Variants in SLC25A18 observed in about 807,000 individuals in gnomAD.
SLC25A18 encodes the protein solute carrier family 25 member 18.
In SLC25A18, 24 loss-of-function variants were observed where a neutral mutation model predicts 31.1. The observed-to-expected ratio is 0.77, with a 90% CI of 0.56 to 1.08. SLC25A18 has a LOEUF of 1.08. SLC25A18 is among the 50% of genes least tolerant of loss of function. SLC25A18 has a pLI of 0.00. For missense variants in SLC25A18, 371 were observed against 418.5 expected (o/e 0.89, Z 0.99); for synonymous variants, 173 against 161.9 (o/e 1.07, Z -0.52).
intron 8 of SLC25A18, 101 bp downstream of exon 8, chr22:17,587,402 T>A: frequency 7.0e-7 from 1 of 1,421,598 alleles, no homozygotes; most frequent in South Asian, 1.4e-5. Flanking sequence ...TCCCAGAATA[T>A]CCAAACCCAG....
At chr22:17,578,073 C>T (rs1428440813) in intron 2 of SLC25A18, among the ~76,000 whole-genome samples, 1 of 151,482 alleles carries the variant, frequency 6.6e-6, no homozygotes, top group Non-Finnish European at 1.5e-5. Context: ...CAACCTCCAC[C>T]TCCTGGCCTC....
At chr22:17,579,282 T>C (rs2057311529) in intron 2 of SLC25A18, among the ~76,000 whole-genome samples, 2 of 152,098 alleles carry the variant, frequency 1.3e-5, no homozygotes, top group Non-Finnish European at 2.9e-5. Flanking sequence ...AGATGGAGTT[T>C]CACCACGTTG....
chr22:17,583,396 C>A lies in SLC25A18; in HGVS notation c.291-20C>A, dbSNP rs370602933. 1 of 1,613,590 alleles carries A rather than the reference C, an allele frequency of 6.2e-7. No homozygotes were observed. The highest frequency in any genetic ancestry group is 1.1e-5 in the South Asian group (1 of 91,074). ...GGCCTGTGGCCTGCGGCTGAAGGAG[C>A]CTGACGCCTGTTCCCATAGGATGCA... On this transcript the variant is annotated intron_variant, in intron 6 of 10. Transcript: ENST00000327451.
At chr22:17,571,273 G>C (rs1357557946) in intron 2 of SLC25A18, among the ~76,000 whole-genome samples, 1 of 152,178 alleles carries the variant, frequency 6.6e-6, no homozygotes, top group Admixed American at 6.5e-5. Context: ...AATCTGTGGT[G>C]ATCTAGCAGT....
chr22:17,580,416 C>T (rs2057341903), intron 3 of SLC25A18: 2 of 506,654 alleles, frequency 3.9e-6, no homozygotes, highest in Non-Finnish European at 5.1e-6. Flanking sequence ...GCTCCTATAC[C>T]CAGCAGGGTG....
At chr22:17,574,809 C>T (rs2057188735) in intron 2 of SLC25A18, among the ~76,000 whole-genome samples, 1 of 116,654 alleles carries the variant, frequency 8.6e-6, no homozygotes, top group East Asian at 2.4e-4. Flanking sequence ...GCGTGAGCCA[C>T]TGTGCCTGGC....
Position 17,563,617 on chromosome 22 carries a change from G to A in SLC25A18, c.-360G>A. On this transcript the variant is annotated 5_prime_UTR_variant, in exon 1 of 11. Coordinates refer to ENST00000327451, the MANE Select transcript of SLC25A18 (RefSeq NM_031481.3). ...ATATCCACGGGCTTTGCTTTGAGAA[G>A]GAACTGAGTAGGCAGTGAGAAGAGT... is the stretch of plus-strand genomic sequence containing the variant. The A allele has an allele frequency of 1.0e-6, 1 of 967,196 alleles. No homozygotes were observed. The highest frequency in any genetic ancestry group is 1.2e-6 in the Non-Finnish European group (1 of 813,248). The allele number at this position is 967,196 out of a possible 1,614,324, so 59.9% of individuals were successfully genotyped here.
At chr22:17,565,525 C>T (rs577262801) in intron 1 of SLC25A18, among the ~76,000 whole-genome samples, 7 of 152,050 alleles carry the variant, frequency 4.6e-5, no homozygotes, top group South Asian at 4.2e-4. Context: ...AGACACACAC[C>T]GCAGCGCCTG....
At chr22:17,568,417 T>C (rs1288074158) in intron 1 of SLC25A18, among the ~76,000 whole-genome samples, 2 of 149,996 alleles carry the variant, frequency 1.3e-5, no homozygotes, top group Non-Finnish European at 3.0e-5. Flanking sequence ...AAGGAACTTG[T>C]GGAATATCGA....
In SLC25A18 at chr22:17,577,966, T is replaced by C. The variant is rs533909432; in HGVS notation, c.-200-1779T>C. Among the ~76,000 whole-genome samples, 3 of 147,382 alleles carry C rather than the reference T, an allele frequency of 2.0e-5. No homozygotes were observed. In the Admixed American group the frequency reaches 2.1e-4, roughly 10 times the overall value. On this transcript the variant is annotated intron_variant, in intron 2 of 10. Transcript: ENST00000327451. ...TGTTGGGATTACAGGCATGAGCCAC[T>C]GCGCCCTGCTTCTTTTTTTTTTTTT...
intron 3 of SLC25A18, chr22:17,580,773 G>A (rs2146247376): frequency 8.2e-7 from 1 of 1,224,034 alleles, no homozygotes; most frequent in East Asian, 3.7e-5. Context: ...GGCGGCCCAT[G>A]GGGGCAGAGC....
intron 3 of SLC25A18, chr22:17,580,602 G>T: frequency 1.4e-5 from 14 of 993,938 alleles, no homozygotes; most frequent in Non-Finnish European, 1.7e-5. Flanking sequence ...GAGTGAGTTC[G>T]ACGGGAATGC....
intron 2 of SLC25A18, among the ~76,000 whole-genome samples, chr22:17,573,507 G>A (rs1476445514): frequency 6.6e-6 from 1 of 152,158 alleles, no homozygotes; most frequent in Admixed American, 6.5e-5. Context: ...TGGGGCACCT[G>A]GGGGCTGGAG....
At position 17,590,939 on chromosome 22, in the gene SLC25A18, C is replaced by G. The variant is rs1245746794; in HGVS notation, c.*703C>G. 1 of 152,238 alleles carries G rather than the reference C, an allele frequency of 6.6e-6. No individual in the cohort carries two copies. The highest frequency in any genetic ancestry group is 1.5e-5 in the Non-Finnish European group (1 of 68,048). The allele number at this position is 152,238 out of a possible 1,614,324, so 9.4% of individuals were successfully genotyped here. A position where few individuals can be genotyped will look rare whatever the true frequency, so the allele number is the denominator to read the frequency against. Reference sequence around the variant, plus strand: ...GATAGGCTGCAGTGAATGCTATCACCATCTACTTTTCTACGTCCATTTCAA... The same window carrying G: ...GATAGGCTGCAGTGAATGCTATCACGATCTACTTTTCTACGTCCATTTCAA... On this transcript the variant is annotated 3_prime_UTR_variant, in exon 11 of 11. Coordinates refer to ENST00000327451, the MANE Select transcript of SLC25A18 (RefSeq NM_031481.3).
At chr22:17,567,931 C>G (rs2056979095) in intron 1 of SLC25A18, among the ~76,000 whole-genome samples, 1 of 151,960 alleles carries the variant, frequency 6.6e-6, no homozygotes, top group Non-Finnish European at 1.5e-5. Context: ...CGAGAGTATA[C>G]TGAACAAAGG....
chr22:17,589,450 A>G (rs1601356329), intron 9 of SLC25A18, 140 bp from the exon 10 acceptor site: 5 of 639,142 alleles, frequency 7.8e-6, no homozygotes, highest in East Asian at 3.2e-5. Context: ...TGCTGGGATT[A>G]CAGGCGTGAG....
At chr22:17,568,626 A>G (rs563063527) in intron 1 of SLC25A18, among the ~76,000 whole-genome samples, 14 of 117,580 alleles carry the variant, frequency 1.2e-4, no homozygotes, top group Middle Eastern at 8.1e-3. Flanking sequence ...CAGTGGTGCG[A>G]TCTCGGCTCA....
chr22:17,574,751 A>G (rs2057186497), intron 2 of SLC25A18, among the ~76,000 whole-genome samples: 1 of 149,534 alleles, frequency 6.7e-6, no homozygotes, highest in Admixed American at 6.7e-5. Flanking sequence ...CGAACTCCTG[A>G]CCTCCTGATC....
chr22:17,580,602 G>C (rs1160382549), intron 3 of SLC25A18: 3 of 993,820 alleles, frequency 3.0e-6, no homozygotes, highest in Non-Finnish European at 3.6e-6. Flanking sequence ...GAGTGAGTTC[G>C]ACGGGAATGC....
Sources: gnomAD v4.1 joint callset for allele counts (sites outside exome capture counted in the v4.1 genomes callset) on GRCh38, gnomAD v4.1.1 for gene constraint, MANE v1.5 for transcripts, NCBI Gene and HGNC (gene_info 2026-07-23, HGNC 2026-07-21) for gene names.